BCAT1: variants seen among roughly 807,000 people sequenced by gnomAD.
BCAT1 encodes the protein branched-chain-amino-acid aminotransferase, cytosolic.
Under a neutral mutation model 52.4 loss-of-function variants are expected in BCAT1, and 48 were observed. The ratio of observed to expected loss-of-function variants is 0.92; its 90% CI spans 0.73 to 1.16. The LOEUF (loss-of-function observed/expected upper bound fraction) is 1.16, where lower values mean the gene tolerates loss of function less well. Among genes scored for constraint, BCAT1 ranks in the 50% most tolerant of loss-of-function variants. The pLI is 0.00. For missense variants in BCAT1, 451 were observed against 457.1 expected, an observed-to-expected ratio of 0.99 and a Z score of 0.12; for synonymous variants, 167 against 161.3, an observed-to-expected ratio of 1.04 and a Z score of -0.27.
intron 5 of BCAT1, among the ~76,000 whole-genome samples, chr12:24,857,987 C>T (rs1210411467): frequency 6.6e-6 from 1 of 152,128 alleles, no homozygotes; most frequent in Non-Finnish European, 1.5e-5. Context: ...TTCCAAAACT[C>T]CCAGAGGGGA....
chr12:24,930,445 C>T (rs1435039907), intron 1 of BCAT1, among the ~76,000 whole-genome samples: 1 of 152,238 alleles, frequency 6.6e-6, no homozygotes, highest in Non-Finnish European at 1.5e-5. Context: ...CTGAAGACCC[C>T]TCTCTTGACT....
chr12:24,885,725 G>T (rs985381287), intron 3 of BCAT1, among the ~76,000 whole-genome samples: 2 of 152,130 alleles, frequency 1.3e-5, no homozygotes, highest in African/African-American at 4.8e-5. Context: ...CACAAATAGA[G>T]ATCCAGAAGC....
intron 3 of BCAT1, 64 bp from the exon 4 acceptor site, chr12:24,881,475 C>CT: frequency 9.4e-7 from 1 of 1,062,650 alleles, no homozygotes; most frequent in Non-Finnish European, 1.4e-6. Context: ...GTTCAAGAGA[C>CT]TGACTTTCCT....
At chr12:24,893,706 T>C (rs1942895695) in intron 3 of BCAT1, among the ~76,000 whole-genome samples, 1 of 152,132 alleles carries the variant, frequency 6.6e-6, no homozygotes, top group South Asian at 2.1e-4. Flanking sequence ...TAAAATACAA[T>C]GAGAATCAAG....
chr12:24,941,799 T>C (rs1052522503), intron 1 of BCAT1, among the ~76,000 whole-genome samples: 19 of 152,238 alleles, frequency 1.2e-4, no homozygotes, highest in African/African-American at 4.3e-4. Context: ...TTCATTCCAC[T>C]GCAAAAACAT....
At chr12:24,836,911 A>G (rs1486028708) in intron 7 of BCAT1, among the ~76,000 whole-genome samples, 1 of 19,668 alleles carries the variant, frequency 5.1e-5, no homozygotes, top group Admixed American at 4.2e-4. Flanking sequence ...AGAAAGAGAG[A>G]AAGAAAGAAA....
At chr12:24,870,199 T>C (rs925372130) in intron 5 of BCAT1, among the ~76,000 whole-genome samples, 2 of 152,126 alleles carry the variant, frequency 1.3e-5, no homozygotes, top group Non-Finnish European at 2.9e-5. Context: ...AAAATGAAAA[T>C]GAATAGTCCT....
intron 3 of BCAT1, among the ~76,000 whole-genome samples, chr12:24,891,822 C>A (rs1183799454): frequency 1.3e-5 from 2 of 151,196 alleles, no homozygotes; most frequent in Non-Finnish European, 2.9e-5. Context: ...GATCTCGGCT[C>A]ACTGCAAACT....
At chr12:24,929,858 C>T (rs760896133) in intron 1 of BCAT1, among the ~76,000 whole-genome samples, 14 of 152,114 alleles carry the variant, frequency 9.2e-5, no homozygotes, top group Non-Finnish European at 7.4e-5. Flanking sequence ...CCCATGTGTA[C>T]GCACAAAATA....
intron 1 of BCAT1, among the ~76,000 whole-genome samples, chr12:24,917,163 T>C (rs112464668): frequency 4.4e-4 from 67 of 151,484 alleles, no homozygotes; most frequent in African/African-American, 1.6e-3. Context: ...GCAATCTGCA[T>C]GAATGCATCA....
intron 7 of BCAT1, among the ~76,000 whole-genome samples, 191 bp downstream of exon 7, chr12:24,841,891 T>A (rs1232417149): frequency 3.9e-5 from 6 of 152,066 alleles, no homozygotes; most frequent in Non-Finnish European, 8.8e-5. Flanking sequence ...ATAGTGAGAC[T>A]CCACCTCTTT....
chr12:24,887,080 A>AAATATATAT (rs1245203518), intron 3 of BCAT1, among the ~76,000 whole-genome samples: 4 of 40,746 alleles, frequency 9.8e-5, no homozygotes, highest in African/African-American at 1.5e-4. Flanking sequence ...AAAAAAAAAA[A>AAATATATAT]ATATATATAT....
chr12:24,858,528 C>A (rs1030221851), intron 5 of BCAT1, among the ~76,000 whole-genome samples: 5 of 152,148 alleles, frequency 3.3e-5, no homozygotes, highest in African/African-American at 1.2e-4. Flanking sequence ...GCTTTGGAGC[C>A]ATTAGATTCT....
intron 3 of BCAT1, among the ~76,000 whole-genome samples, chr12:24,882,673 A>T (rs1322732227): frequency 6.6e-6 from 1 of 151,506 alleles, no homozygotes; most frequent in Admixed American, 6.6e-5. Flanking sequence ...ATCTTGGCTC[A>T]CTGCAACCTC....
chr12:24,900,246 C>A (rs1198013432), intron 2 of BCAT1, among the ~76,000 whole-genome samples: 2 of 152,112 alleles, frequency 1.3e-5, no homozygotes, highest in African/African-American at 4.8e-5. Context: ...ACAGGCAATT[C>A]CCCTAAATAA....
chr12:24,866,652 T>C (rs1198354500), intron 5 of BCAT1, among the ~76,000 whole-genome samples: 1 of 152,186 alleles, frequency 6.6e-6, no homozygotes. Context: ...TCAAGGTTTG[T>C]AAATGCACCA....
intron 1 of BCAT1, among the ~76,000 whole-genome samples, chr12:24,916,188 C>T (rs1231068317): frequency 6.6e-6 from 1 of 152,154 alleles, no homozygotes; most frequent in Non-Finnish European, 1.5e-5. Flanking sequence ...GCAATGAAGC[C>T]AAGCCAAAGA....
At chr12:24,917,567 T>C (rs1455264001) in intron 1 of BCAT1, among the ~76,000 whole-genome samples, 1 of 152,226 alleles carries the variant, frequency 6.6e-6, no homozygotes, top group Non-Finnish European at 1.5e-5. Flanking sequence ...TCAAGGTCCC[T>C]TTCATGAATT....
chr12:24,895,579 C>T (rs545367307), intron 2 of BCAT1, among the ~76,000 whole-genome samples: 2 of 150,636 alleles, frequency 1.3e-5, no homozygotes, highest in African/African-American at 4.9e-5. Context: ...AAAAGAAACA[C>T]AAGAGAAGGA....
Sources: gnomAD v4.1 joint callset for allele counts (sites outside exome capture counted in the v4.1 genomes callset) on GRCh38, gnomAD v4.1.1 for gene constraint, MANE v1.5 for transcripts, NCBI Gene and HGNC (gene_info 2026-07-23, HGNC 2026-07-21) for gene names.